The following PTPRD variants were observed in gnomAD, a reference collection of about 807,000 sequenced individuals.
PTPRD encodes receptor-type tyrosine-protein phosphatase delta.
PTPRD carries 34 observed loss-of-function variants against 214.5 expected under a neutral mutation model. That is an observed-to-expected ratio of 0.16 (90% CI 0.12 to 0.21). PTPRD has a LOEUF of 0.21. Among genes scored for constraint, PTPRD ranks in the 10% least tolerant of loss-of-function variants. The probability of loss-of-function intolerance (pLI) is 1.00; values close to 1 mark genes in which losing one functional copy is unlikely to be tolerated. For synonymous variants in PTPRD, 1,128 were observed against 845.7 expected, an observed-to-expected ratio of 1.33 and a Z score of -5.79; for missense variants, 2,545 against 2,398.7, an observed-to-expected ratio of 1.06 and a Z score of -1.27.
intron 5 of PTPRD, among the ~76,000 whole-genome samples, chr9:9,848,477 C>T (rs1467995064): frequency 6.6e-6 from 1 of 151,820 alleles, no homozygotes. Flanking sequence ...ATTTACATGG[C>T]TTATTTCGTT....
intron 7 of PTPRD, among the ~76,000 whole-genome samples, chr9:9,638,178 G>A (rs2095833029): frequency 6.6e-6 from 1 of 152,064 alleles, no homozygotes; most frequent in Non-Finnish European, 1.5e-5. Flanking sequence ...ACTTGGCCAG[G>A]CTGAAAATTT....
At chr9:10,580,051 T>C (rs1161086812) in intron 2 of PTPRD, among the ~76,000 whole-genome samples, 1 of 152,198 alleles carries the variant, frequency 6.6e-6, no homozygotes, top group Non-Finnish European at 1.5e-5. Flanking sequence ...CATTAGAGGG[T>C]TAACTCTTTG....
intron 11 of PTPRD, among the ~76,000 whole-genome samples, chr9:8,831,249 C>T (rs765961716): frequency 6.6e-6 from 1 of 152,186 alleles, no homozygotes; most frequent in Non-Finnish European, 1.5e-5. Context: ...CAGACATTCT[C>T]TTTTCTGATG....
At chr9:9,714,843 C>T (rs1455361887) in intron 7 of PTPRD, among the ~76,000 whole-genome samples, 1 of 152,064 alleles carries the variant, frequency 6.6e-6, no homozygotes, top group Non-Finnish European at 1.5e-5. Flanking sequence ...GCTCAATATT[C>T]CTTTCCTTCC....
intron 10 of PTPRD, among the ~76,000 whole-genome samples, chr9:9,164,516 T>C (rs1015300571): frequency 1.3e-5 from 2 of 152,198 alleles, no homozygotes; most frequent in African/African-American, 4.8e-5. Flanking sequence ...GTTTCAGTAA[T>C]TAGGATGTAG....
At chr9:9,246,914 A>T (rs2099973296) in intron 9 of PTPRD, among the ~76,000 whole-genome samples, 1 of 152,062 alleles carries the variant, frequency 6.6e-6, no homozygotes, top group African/African-American at 2.4e-5. Context: ...GAGCCACAGT[A>T]CATTGGAAGG....
rs35074557 is a variant in PTPRD at position 8,909,866 on chromosome 9, C to CAA, written c.-104+108829_-104+108830dup. Among the ~76,000 whole-genome samples the CAA allele has an allele frequency of 6.1e-3, 737 of 121,764 alleles. 14 individuals carry two copies. Among genetic ancestry groups the CAA allele is most frequent in the South Asian group, 0.014 (55 of 3,868 alleles). The allele number at this position is 121,764 out of a possible 152,430, so 79.9% of individuals were successfully genotyped here. A position where few individuals can be genotyped will look rare whatever the true frequency, so the allele number is the denominator to read the frequency against. On this transcript the variant is annotated intron_variant, in intron 11 of 45. Coordinates refer to ENST00000381196, the MANE Select transcript of PTPRD (RefSeq NM_002839.4). ...GAGATGGAGAGAGAGATATTAAAGG[C>CAA]AAAAAAAAAAAAAAAGAAAGAAAAA...
chr9:8,370,086 T>A (rs973706384), intron 39 of PTPRD, among the ~76,000 whole-genome samples: 6 of 152,018 alleles, frequency 3.9e-5, no homozygotes, highest in Admixed American at 2.0e-4. Context: ...GAAAATGTAA[T>A]CCATGACCTC....
At chr9:9,524,061 G>C (rs1259712076) in intron 8 of PTPRD, among the ~76,000 whole-genome samples, 1 of 152,136 alleles carries the variant, frequency 6.6e-6, no homozygotes. Flanking sequence ...GTTATATTTT[G>C]AACTGTGGGT....
At chr9:8,352,307 A>G (rs1463591996) in intron 39 of PTPRD, among the ~76,000 whole-genome samples, 2 of 152,218 alleles carry the variant, frequency 1.3e-5, no homozygotes, top group African/African-American at 4.8e-5. Context: ...AGGCATGGAT[A>G]GAGCAGACTC....
At chr9:10,483,703 T>G (rs1413670830) in intron 2 of PTPRD, among the ~76,000 whole-genome samples, 3 of 152,054 alleles carry the variant, frequency 2.0e-5, no homozygotes, top group Non-Finnish European at 2.9e-5. Flanking sequence ...ATCAGGGAAT[T>G]ACAAATTAAA....
chr9:9,373,774 T>A (rs955415604), intron 9 of PTPRD, among the ~76,000 whole-genome samples: 11 of 152,268 alleles, frequency 7.2e-5, no homozygotes, highest in South Asian at 4.1e-4. Flanking sequence ...CTATGCAGGG[T>A]GAAATTCACA....
At chr9:8,663,217 G>A (rs1424284700) in intron 12 of PTPRD, among the ~76,000 whole-genome samples, 1 of 149,908 alleles carries the variant, frequency 6.7e-6, no homozygotes, top group Non-Finnish European at 1.5e-5. Flanking sequence ...ACATGTTTGA[G>A]GAATGGAACA....
intron 5 of PTPRD, among the ~76,000 whole-genome samples, chr9:9,815,351 G>C (rs1488357960): frequency 6.6e-6 from 1 of 152,002 alleles, no homozygotes; most frequent in Non-Finnish European, 1.5e-5. Flanking sequence ...AACTTACATA[G>C]TACACAAACA....
At chr9:8,929,095 C>A (rs10283658) in intron 11 of PTPRD, among the ~76,000 whole-genome samples, 1 of 151,896 alleles carries the variant, frequency 6.6e-6, no homozygotes, top group African/African-American at 2.4e-5. Flanking sequence ...TGGGCTGAGA[C>A]GATGGGGTTT....
At position 9,251,348 on chromosome 9, in the gene PTPRD, G is replaced by A. The variant is rs116134248; in HGVS notation, c.-202-67985C>T. 8.6e-3 allele frequency among the ~76,000 whole-genome samples: 1,310 copies of A among 152,112 alleles called. 18 individuals carry two copies. The highest frequency in any genetic ancestry group is 0.031 in the African/African-American group (1,270 of 41,492). On this transcript the variant is annotated intron_variant, in intron 9 of 45. Transcript: ENST00000381196. ...ATTCTTTACACAATACTTCATCCCT[G>A]CCTACTTTTCTAGCAATATATCTTC...
At chr9:8,483,517 C>G (rs994979564) in intron 30 of PTPRD, among the ~76,000 whole-genome samples, 7 of 152,168 alleles carry the variant, frequency 4.6e-5, no homozygotes, top group East Asian at 1.9e-4. Context: ...CTTTGGGAGG[C>G]TGAGGTAGGT....
At chr9:9,920,880 A>C (rs990170177) in intron 5 of PTPRD, among the ~76,000 whole-genome samples, 1 of 152,164 alleles carries the variant, frequency 6.6e-6, no homozygotes, top group Non-Finnish European at 1.5e-5. Context: ...ATAACGCAGG[A>C]TGAACGAAGA....
At chr9:10,425,795 A>G (rs962370756) in intron 2 of PTPRD, among the ~76,000 whole-genome samples, 8 of 151,938 alleles carry the variant, frequency 5.3e-5, no homozygotes, top group Non-Finnish European at 5.9e-5. Context: ...TTTTAATTAA[A>G]CTAATAGCAG....
Sources: gnomAD v4.1 joint callset for allele counts (sites outside exome capture counted in the v4.1 genomes callset) on GRCh38, gnomAD v4.1.1 for gene constraint, MANE v1.5 for transcripts, NCBI Gene and HGNC (gene_info 2026-07-23, HGNC 2026-07-21) for gene names.